The following GRM7 variants were observed in gnomAD, a reference collection of about 807,000 sequenced individuals.
GRM7 encodes the protein glutamate metabotropic receptor 7, also known as metabotropic glutamate receptor 7.
GRM7 carries 35 observed loss-of-function variants against 84.5 expected under a neutral mutation model. The ratio of observed to expected loss-of-function variants is 0.41; its 90% confidence interval spans 0.32 to 0.55. GRM7 has a LOEUF of 0.55. Ranked by LOEUF, GRM7 falls within the 20% of genes least tolerant of loss-of-function variation. The pLI, the probability that GRM7 is intolerant of heterozygous loss-of-function variation, is 0.19. For synonymous variants in GRM7, 487 were observed against 455.1 expected, an observed-to-expected ratio of 1.07 and a Z score of -0.89; for missense variants, 1,003 against 1,194.6, an observed-to-expected ratio of 0.84 and a Z score of 2.36.
chr3:7,155,508 GA>G (rs1422761290), intron 2 of GRM7, among the ~76,000 whole-genome samples: 1 of 151,976 alleles, frequency 6.6e-6, no homozygotes, highest in African/African-American at 2.4e-5. Flanking sequence ...GGAGAGTTCT[GA>G]AAAACAAGTA....
chr3:6,982,132 C>A (rs1694231504), intron 1 of GRM7, among the ~76,000 whole-genome samples: 1 of 152,152 alleles, frequency 6.6e-6, no homozygotes, highest in Admixed American at 6.5e-5. Flanking sequence ...AGAACAAAAT[C>A]ATGTGCTTTG....
chr3:7,253,484 G>A (rs1359449724), intron 2 of GRM7, among the ~76,000 whole-genome samples: 2 of 151,892 alleles, frequency 1.3e-5, no homozygotes, highest in African/African-American at 2.4e-5. Flanking sequence ...AGGCATGGTG[G>A]TGGGTGCCTG....
At chr3:7,446,457 T>TGTTTTTG (rs1384589088) in intron 5 of GRM7, among the ~76,000 whole-genome samples, 3 of 113,210 alleles carry the variant, frequency 2.6e-5, no homozygotes, top group Non-Finnish European at 2.1e-5. Flanking sequence ...CTTGTTTTTT[T>TGTTTTTG]TTTTTTGTTT....
chr3:7,318,567 GT>G (rs1234868820), intron 4 of GRM7, among the ~76,000 whole-genome samples: 2 of 151,902 alleles, frequency 1.3e-5, no homozygotes, highest in African/African-American at 2.4e-5. Context: ...GGTTGAAGGG[GT>G]TTTTTAAATG....
At position 7,072,726 on chromosome 3, in the gene GRM7, C is replaced by G. The variant is rs12631395; in HGVS notation, c.520-73726C>G. ...AAAAAATAAGATAAAGGTCTCACTT[C>G]AAGGTACTGAAGTTGTGTAATATCC... On this transcript the variant is annotated intron_variant, in intron 1 of 9. Transcript: ENST00000357716. 8.3e-4 allele frequency among the ~76,000 whole-genome samples: 126 copies of G among 152,200 alleles called. 2 individuals are homozygous for G. In the East Asian group the frequency reaches 0.022, roughly 26 times the overall value.
chr3:7,442,014 T>A (rs1697309440), intron 5 of GRM7, among the ~76,000 whole-genome samples: 1 of 152,150 alleles, frequency 6.6e-6, no homozygotes, highest in Non-Finnish European at 1.5e-5. Flanking sequence ...TCTAATTCTG[T>A]GAAGAATGTA....
intron 1 of GRM7, among the ~76,000 whole-genome samples, chr3:7,040,520 G>T (rs1028638924): frequency 4.6e-5 from 7 of 151,788 alleles, no homozygotes; most frequent in Admixed American, 3.3e-4. Context: ...AGCCAGGATG[G>T]TCTCGATCTC....
At chr3:7,163,005 C>A (rs981769106) in intron 2 of GRM7, among the ~76,000 whole-genome samples, 2 of 151,856 alleles carry the variant, frequency 1.3e-5, no homozygotes, top group Admixed American at 1.3e-4. Context: ...GGTGGTCCTC[C>A]CACCTTGGCC....
intron 1 of GRM7, among the ~76,000 whole-genome samples, chr3:6,901,717 T>C (rs1164938455): frequency 6.6e-6 from 1 of 151,686 alleles, no homozygotes; most frequent in East Asian, 1.9e-4. Flanking sequence ...GTGAAATCTT[T>C]TTGAGGCCTT....
intron 2 of GRM7, among the ~76,000 whole-genome samples, chr3:7,202,989 A>G (rs1354591671): frequency 6.6e-6 from 1 of 152,244 alleles, no homozygotes. Flanking sequence ...TGTTAGATGC[A>G]TAGAATGTGT....
At chr3:7,024,517 A>G (rs548501732) in intron 1 of GRM7, among the ~76,000 whole-genome samples, 1 of 152,388 alleles carries the variant, frequency 6.6e-6, no homozygotes, top group East Asian at 1.9e-4. Flanking sequence ...CTTGAAGAGC[A>G]AATAGAAAAT....
chr3:6,948,351 G>A (rs1457025159), intron 1 of GRM7, among the ~76,000 whole-genome samples: 1 of 152,230 alleles, frequency 6.6e-6, no homozygotes, highest in Non-Finnish European at 1.5e-5. Context: ...CAGTTCCCAT[G>A]TAGCTGAGCG....
chr3:7,113,219 A>C (rs756418972), intron 1 of GRM7, among the ~76,000 whole-genome samples: 3 of 152,194 alleles, frequency 2.0e-5, no homozygotes, highest in South Asian at 2.1e-4. Context: ...AAACAATTCT[A>C]AGTGGTAAGA....
intron 7 of GRM7, among the ~76,000 whole-genome samples, chr3:7,572,549 G>A (rs1238990592): frequency 1.3e-5 from 2 of 151,948 alleles, no homozygotes; most frequent in Admixed American, 6.5e-5. Flanking sequence ...GCTGGGCACA[G>A]TGGCTCACGC....
At chr3:7,614,413 C>T (rs1004679981) in intron 8 of GRM7, among the ~76,000 whole-genome samples, 4 of 152,158 alleles carry the variant, frequency 2.6e-5, no homozygotes, top group African/African-American at 9.7e-5. Context: ...GTGCAAGGAA[C>T]AACCCAGAAT....
At chr3:7,730,797 G>A (rs28416138) in intron 9 of GRM7, among the ~76,000 whole-genome samples, 3,573 of 152,272 alleles carry the variant, frequency 0.023, 132 homozygotes, top group African/African-American at 0.081. Flanking sequence ...ATATGCTCCA[G>A]ATTGCTTGCA....
At chr3:7,121,614 G>A (rs1379274906) in intron 1 of GRM7, among the ~76,000 whole-genome samples, 4 of 151,678 alleles carry the variant, frequency 2.6e-5, no homozygotes, top group Admixed American at 2.6e-4. Context: ...CTCCCTCTTG[G>A]TCTAATTGAA....
intron 1 of GRM7, among the ~76,000 whole-genome samples, chr3:7,049,090 C>T (rs1435657896): frequency 6.6e-6 from 1 of 151,928 alleles, no homozygotes; most frequent in African/African-American, 2.4e-5. Flanking sequence ...CACTCATGTC[C>T]ATTCACTCCT....
intron 1 of GRM7, among the ~76,000 whole-genome samples, chr3:6,938,656 G>C (rs1436223831): frequency 2.6e-5 from 4 of 152,186 alleles, no homozygotes; most frequent in East Asian, 3.9e-4. Context: ...GGAGAGGGAC[G>C]TGTTAGCAGG....
Sources: gnomAD v4.1 joint callset for allele counts (sites outside exome capture counted in the v4.1 genomes callset) on GRCh38, gnomAD v4.1.1 for gene constraint, MANE v1.5 for transcripts, NCBI Gene and HGNC (gene_info 2026-07-23, HGNC 2026-07-21) for gene names.